Variants in DSCAM observed in about 807,000 individuals in gnomAD.
The protein encoded by DSCAM is DS cell adhesion molecule, also known as cell adhesion molecule DSCAM.
DSCAM carries 47 observed loss-of-function variants against 217.7 expected under a neutral mutation model. The observed-to-expected ratio is 0.22, with a 90% CI of 0.17 to 0.28. The LOEUF is 0.28. Ranked by LOEUF, DSCAM falls within the 10% of genes least tolerant of loss-of-function variation. The probability of loss-of-function intolerance (pLI) is 1.00; values close to 1 mark genes in which losing one functional copy is unlikely to be tolerated. For missense variants in DSCAM, 2,080 were observed against 2,618.3 expected, an observed-to-expected ratio of 0.79 and a Z score of 4.49; for synonymous variants, 1,056 against 1,015.3, an observed-to-expected ratio of 1.04 and a Z score of -0.76.
intron 27 of DSCAM, among the ~76,000 whole-genome samples, chr21:40,072,492 G>T (rs113542099): frequency 6.6e-6 from 1 of 151,892 alleles, no homozygotes; most frequent in East Asian, 2.0e-4. Context: ...GACTACAGGC[G>T]CCCGCCACCA....
intron 3 of DSCAM, among the ~76,000 whole-genome samples, chr21:40,451,394 TA>T (rs2075718320): frequency 6.6e-6 from 1 of 152,198 alleles, no homozygotes; most frequent in East Asian, 1.9e-4. Flanking sequence ...CTTTAATGGT[TA>T]TGAAAGGTAA....
intron 1 of DSCAM, among the ~76,000 whole-genome samples, chr21:40,756,431 A>G (rs9305703): frequency 0.71 from 107,176 of 151,934 alleles, 38,138 homozygotes; most frequent in African/African-American, 0.77. Context: ...TTGCTCTGTC[A>G]CCCTAGCTGG....
intron 18 of DSCAM, among the ~76,000 whole-genome samples, chr21:40,140,747 A>C (rs2090279910): frequency 6.6e-6 from 1 of 152,210 alleles, no homozygotes; most frequent in African/African-American, 2.4e-5. Context: ...TTACAGAATC[A>C]TCTACTTAAA....
intron 3 of DSCAM, among the ~76,000 whole-genome samples, chr21:40,533,575 A>ACCTGTCTG (rs1212389187): frequency 0.094 from 12,898 of 137,902 alleles, 1,097 homozygotes; most frequent in African/African-American, 0.26. Context: ...CCATCCATCC[A>ACCTGTCTG]TCCATCCAAC....
intron 3 of DSCAM, among the ~76,000 whole-genome samples, chr21:40,632,824 G>A (rs565965789): frequency 6.6e-6 from 1 of 152,310 alleles, no homozygotes; most frequent in South Asian, 2.1e-4. Context: ...GGAATGGAAA[G>A]ATGGACGTGA....
At chr21:40,283,396 T>C (rs1242659416) in intron 10 of DSCAM, among the ~76,000 whole-genome samples, 2 of 152,210 alleles carry the variant, frequency 1.3e-5, no homozygotes, top group East Asian at 3.8e-4. Context: ...TGTTAAAGCA[T>C]TATGTAAGGC....
In DSCAM at chr21:40,184,796, GTAA is replaced by G. The variant is rs150326795; in HGVS notation, c.2779+2332_2779+2334del. On this transcript the variant is annotated intron_variant, in intron 14 of 32. Transcript: ENST00000400454. ...GTCCCTGCCTTTGGGAAACTCCTGG[GTAA>G]GAGTAGGGAGATAGTGAGGACACTT... Among the ~76,000 whole-genome samples, 637 of 152,242 alleles carry G rather than the reference GTAA, an allele frequency of 4.2e-3. 6 individuals are homozygous for G. Among genetic ancestry groups the G allele is most frequent in the African/African-American group, 0.014 (600 of 41,528 alleles).
chr21:40,393,123 G>A (rs572205904), intron 3 of DSCAM, among the ~76,000 whole-genome samples: 1 of 152,306 alleles, frequency 6.6e-6, no homozygotes, highest in African/African-American at 2.4e-5. Context: ...CTTCTTGGAT[G>A]AAAGATTTAG....
intron 4 of DSCAM, among the ~76,000 whole-genome samples, chr21:40,367,072 T>C (rs1283765935): frequency 6.6e-6 from 1 of 152,180 alleles, no homozygotes; most frequent in Non-Finnish European, 1.5e-5. Context: ...GTACTTCCAC[T>C]ATCTTCAAGG....
intron 16 of DSCAM, among the ~76,000 whole-genome samples, chr21:40,161,035 T>C (rs2090535222): frequency 1.3e-5 from 2 of 152,086 alleles, no homozygotes. Context: ...TAGTGTCTCT[T>C]CCCAGCCTGC....
At chr21:40,492,060 C>A (rs890843288) in intron 3 of DSCAM, among the ~76,000 whole-genome samples, 4 of 152,130 alleles carry the variant, frequency 2.6e-5, no homozygotes, top group Non-Finnish European at 4.4e-5. Flanking sequence ...ATCTAAGACA[C>A]CTAGAATAAT....
chr21:40,652,449 T>A (rs1294222977), intron 3 of DSCAM, among the ~76,000 whole-genome samples: 1 of 152,082 alleles, frequency 6.6e-6, no homozygotes, highest in Admixed American at 6.5e-5. Context: ...GAACAACAGA[T>A]GCCAAAAGCT....
chr21:40,331,961 C>T (rs1264954648), intron 8 of DSCAM, among the ~76,000 whole-genome samples: 1 of 152,034 alleles, frequency 6.6e-6, no homozygotes, highest in Non-Finnish European at 1.5e-5. Flanking sequence ...AATGGTGATC[C>T]ACAGGCACTT....
At position 40,701,675 on chromosome 21, in the gene DSCAM, A is replaced by AT. The variant is rs35209101; in HGVS notation, c.361+6778dup. On this transcript the variant is annotated intron_variant, in intron 2 of 32. Coordinates refer to ENST00000400454, the MANE Select transcript of DSCAM (RefSeq NM_001389.5). ...TTTCCTTCTTCAAATTTTTTTCTGAATTTTTTTTTTTGACACAGATCATTT... is the reference window on the plus strand; with the variant it reads ...TTTCCTTCTTCAAATTTTTTTCTGAATTTTTTTTTTTTGACACAGATCATTT... Among the ~76,000 whole-genome samples the AT allele has an allele frequency of 1.6e-3, 228 of 146,880 alleles. 3 individuals carry two copies. In the South Asian group the frequency reaches 0.022, roughly 14 times the overall value.
At chr21:40,193,588 G>A (rs1221675725) in intron 11 of DSCAM, among the ~76,000 whole-genome samples, 3 of 152,124 alleles carry the variant, frequency 2.0e-5, no homozygotes, top group South Asian at 2.1e-4. Flanking sequence ...AATTCCTGAT[G>A]AGTGTCCTGA....
At chr21:40,467,367 C>T (rs545548187) in intron 3 of DSCAM, among the ~76,000 whole-genome samples, 148 of 152,300 alleles carry the variant, frequency 9.7e-4, no homozygotes, top group African/African-American at 2.9e-3. Flanking sequence ...TAGTCTTGAT[C>T]TCTGTAAACA....
At chr21:40,602,236 A>AT (rs2077067791) in intron 3 of DSCAM, among the ~76,000 whole-genome samples, 1 of 151,436 alleles carries the variant, frequency 6.6e-6, no homozygotes, top group Non-Finnish European at 1.5e-5. Flanking sequence ...AATTATTTGT[A>AT]TTTTTTGTAG....
At chr21:40,146,649 C>G (rs1387688296) in intron 16 of DSCAM, among the ~76,000 whole-genome samples, 1 of 152,140 alleles carries the variant, frequency 6.6e-6, no homozygotes, top group Non-Finnish European at 1.5e-5. Flanking sequence ...AACAGCCAAT[C>G]TAATTTAGTA....
chr21:40,165,752 G>A (rs2146769637), intron 16 of DSCAM, among the ~76,000 whole-genome samples: 1 of 152,246 alleles, frequency 6.6e-6, no homozygotes, highest in Admixed American at 6.5e-5. Flanking sequence ...TCTTTTTCAG[G>A]GCAAAACACG....
Sources: allele counts gnomAD v4.1 joint callset (sites outside exome capture counted in the v4.1 genomes callset), GRCh38; gene constraint gnomAD v4.1.1; transcripts MANE v1.5; gene names NCBI Gene and HGNC (gene_info 2026-07-23, HGNC 2026-07-21).